TYW1: variants seen among roughly 807,000 people sequenced by gnomAD.
TYW1 encodes the protein S-adenosyl-L-methionine-dependent tRNA 4-demethylwyosine synthase TYW1.
TYW1 carries 46 observed loss-of-function variants against 96.2 expected under a neutral mutation model. The ratio of observed to expected loss-of-function variants is 0.48; its 90% confidence interval spans 0.38 to 0.61. The LOEUF is 0.61. TYW1 is among the 20% of genes least tolerant of loss of function. The probability of loss-of-function intolerance (pLI) is 0.00; values close to 1 mark genes in which losing one functional copy is unlikely to be tolerated. For synonymous variants in TYW1, 274 were observed against 323.0 expected, an observed-to-expected ratio of 0.85 and a Z score of 1.63; for missense variants, 684 against 909.6, an observed-to-expected ratio of 0.75 and a Z score of 3.19.
At chr7:67,211,306 C>T (rs907044307) in intron 15 of TYW1, among the ~76,000 whole-genome samples, 2 of 151,912 alleles carry the variant, frequency 1.3e-5, no homozygotes, top group African/African-American at 4.8e-5. Context: ...AGTGTGAAAG[C>T]GATACAAATT....
chr7:67,126,564 C>CT (rs1456365846), intron 13 of TYW1, among the ~76,000 whole-genome samples: 1 of 150,930 alleles, frequency 6.6e-6, no homozygotes. Context: ...AGACTTTCTC[C>CT]TGTGTTATCT....
chr7:67,049,997 G>A lies in TYW1; in HGVS notation c.1033G>A (p.Gly345Arg). The part of the protein sequence containing the change: ...EEKSGLFRNM[G>R]RNEDGERRAM... ...GAAGTCTGGTTTGTTCAGGAACATG[G>A]GGAGGAATGAAGATGGTGAAAGAAG... The change falls in exon 8 of 16, where the codon GGG (glycine) becomes AGG (arginine). Residue 345 changes from glycine (G) to arginine (R), a missense_variant. By Grantham distance (125) the Gly-to-Arg change is moderately radical. Coordinates refer to ENST00000359626, the MANE Select transcript of TYW1 (RefSeq NM_018264.4). The A allele has an allele frequency of 6.2e-7, 1 of 1,614,084 alleles. No individual in the cohort carries two copies. The highest frequency in any genetic ancestry group is 8.5e-7 in the Non-Finnish European group (1 of 1,180,002).
chr7:67,065,147 T>C (rs1795818930), intron 9 of TYW1, among the ~76,000 whole-genome samples: 1 of 152,216 alleles, frequency 6.6e-6, no homozygotes, highest in Non-Finnish European at 1.5e-5. Context: ...CTTTTCCATC[T>C]TATGGGCTCT....
At chr7:67,217,968 C>T (rs1463329395) in intron 15 of TYW1, among the ~76,000 whole-genome samples, 4 of 148,516 alleles carry the variant, frequency 2.7e-5, no homozygotes, top group Admixed American at 1.4e-4. Flanking sequence ...AAGTGATTCT[C>T]CTTCCTCAGC....
At chr7:67,028,238 CAAAAA>C (rs58455978) in intron 7 of TYW1, among the ~76,000 whole-genome samples, 2 of 105,484 alleles carry the variant, frequency 1.9e-5, no homozygotes, top group Admixed American at 1.0e-4. Flanking sequence ...GACTCTGTCT[CAAAAA>C]AAAAAAAAAA....
At chr7:67,229,161 A>G (rs1384411211) in intron 15 of TYW1, among the ~76,000 whole-genome samples, 1 of 152,210 alleles carries the variant, frequency 6.6e-6, no homozygotes, top group Non-Finnish European at 1.5e-5. Flanking sequence ...GTACTTGAGT[A>G]GAGAAATAAT....
chr7:67,090,887 T>C (rs1796694208), intron 11 of TYW1, among the ~76,000 whole-genome samples: 1 of 152,192 alleles, frequency 6.6e-6, no homozygotes, highest in Non-Finnish European at 1.5e-5. Context: ...CCAGTTGGAA[T>C]GGTGATCATT....
chr7:67,014,564 A>C lies in TYW1; in HGVS notation c.570+3A>C, dbSNP rs2129241495. ...CCTATGCTAGCCACTTCAACAAGGT[A>C]GGTCTATATTGAATTATAGGAATAA... On this transcript the variant is annotated splice_donor_region_variant and intron_variant, in intron 5 of 15. Transcript: ENST00000359626. The C allele has an allele frequency of 6.2e-7, 1 of 1,603,968 alleles. No homozygotes were observed. The highest frequency in any genetic ancestry group is 2.2e-5 in the East Asian group (1 of 44,806).
At chr7:67,089,341 C>T (rs907322687) in intron 11 of TYW1, 17 of 1,255,276 alleles carry the variant, frequency 1.4e-5, no homozygotes, top group East Asian at 4.7e-5. Flanking sequence ...CTCGAGGTGG[C>T]GGCCCTGTCC....
At chr7:67,236,669 T>C (rs1191375289) in intron 15 of TYW1, among the ~76,000 whole-genome samples, 2 of 152,214 alleles carry the variant, frequency 1.3e-5, no homozygotes, top group Non-Finnish European at 2.9e-5. Flanking sequence ...AATGGTCTTA[T>C]TACAAGAAAA....
At chr7:67,192,272 A>G (rs1428237747) in intron 14 of TYW1, among the ~76,000 whole-genome samples, 2 of 152,210 alleles carry the variant, frequency 1.3e-5, no homozygotes, top group South Asian at 2.1e-4. Flanking sequence ...GTCATAAGGA[A>G]TGGGTGGAGT....
chr7:67,113,545 T>A (rs191556525), intron 12 of TYW1, among the ~76,000 whole-genome samples: 82 of 152,354 alleles, frequency 5.4e-4, no homozygotes, highest in Non-Finnish European at 9.1e-4. Context: ...GCCATCATGG[T>A]GCAGAGTTAG....
At chr7:67,136,711 A>AT (rs1798272257) in intron 13 of TYW1, among the ~76,000 whole-genome samples, 1 of 151,606 alleles carries the variant, frequency 6.6e-6, no homozygotes, top group African/African-American at 2.4e-5. Flanking sequence ...TGACATCACT[A>AT]TATTAGGGCA....
intron 13 of TYW1, among the ~76,000 whole-genome samples, chr7:67,127,010 T>C (rs1394956198): frequency 6.6e-6 from 1 of 152,016 alleles, no homozygotes. Context: ...TTCTCTCTTT[T>C]CTTAGCATAT....
At chr7:67,044,238 A>G (rs1406448586) in intron 7 of TYW1, among the ~76,000 whole-genome samples, 1 of 150,208 alleles carries the variant, frequency 6.7e-6, no homozygotes, top group East Asian at 2.0e-4. Context: ...AGCTGCGACC[A>G]CAAGCGCATG....
intron 10 of TYW1, among the ~76,000 whole-genome samples, chr7:67,080,739 C>T (rs1796358282): frequency 6.6e-6 from 1 of 152,026 alleles, no homozygotes; most frequent in South Asian, 2.1e-4. Context: ...TTTTCCATCG[C>T]ATTCACTTTC....
At chr7:67,041,535 G>GGA (rs1300076351) in intron 7 of TYW1, among the ~76,000 whole-genome samples, 3 of 152,070 alleles carry the variant, frequency 2.0e-5, no homozygotes, top group Non-Finnish European at 4.4e-5. Context: ...CCTGACCTCA[G>GGA]GTGATCCACC....
chr7:67,016,335 G>A (rs1182419687), intron 5 of TYW1, among the ~76,000 whole-genome samples: 3 of 151,338 alleles, frequency 2.0e-5, no homozygotes, highest in Non-Finnish European at 4.4e-5. Flanking sequence ...ATCACCTGAG[G>A]TCGGGAGTTC....
Position 67,083,531 on chromosome 7 carries a change from A to T in TYW1, c.1376A>T (p.Gln459Leu), listed in dbSNP as rs367797361. The T allele has an allele frequency of 3.5e-5, 56 of 1,614,054 alleles. No individual in the cohort carries two copies. The East Asian group carries it at 1.2e-3, about 35-fold the overall frequency. The change falls in exon 11 of 16, where the codon CAG (glutamine) becomes CTG (leucine). Residue 459 changes from glutamine (Q) to leucine (L), a missense_variant. Coordinates refer to ENST00000359626, the MANE Select transcript of TYW1 (RefSeq NM_018264.4). ...GAAAACCATCAGAACATGATTAAGC[A>T]GTTTAAAGGTATTTATCTTCCCTCT... ...AIENHQNMIK[Q>L]FKGVPGVKAE... is the part of the protein sequence containing the mutation.
Sources: allele counts gnomAD v4.1 joint callset (sites outside exome capture counted in the v4.1 genomes callset), GRCh38; gene constraint gnomAD v4.1.1; transcripts MANE v1.5; gene names NCBI Gene and HGNC (gene_info 2026-07-23, HGNC 2026-07-21).